Variants in DGKD observed in about 807,000 individuals in gnomAD.
DGKD encodes diacylglycerol kinase delta, also known as DAG kinase delta.
Under a neutral mutation model 154.4 loss-of-function variants are expected in DGKD, and 68 were observed. The observed-to-expected ratio is 0.44, with a 90% CI of 0.36 to 0.54. The LOEUF (loss-of-function observed/expected upper bound fraction) is 0.54. Ranked by LOEUF, DGKD falls within the 20% of genes least tolerant of loss-of-function variation. The pLI is 0.00. For synonymous variants in DGKD, 693 were observed against 638.0 expected (o/e 1.09, Z -1.30); for missense variants, 1,343 against 1,593.6 (o/e 0.84, Z 2.68).
In DGKD at chr2:233,438,745, GTCTATCTATCA is replaced by G. The variant is rs757129919; in HGVS notation, c.1085+377_1085+387del. Among the ~76,000 whole-genome samples, 1,336 of 89,426 alleles carry G rather than the reference GTCTATCTATCA, an allele frequency of 0.015. 19 individuals are homozygous for G. The highest frequency in any genetic ancestry group is 0.049 in the African/African-American group (873 of 17,862). The allele number at this position is 89,426 out of a possible 152,430, so 58.7% of individuals were successfully genotyped here. On this transcript the variant is annotated intron_variant, in intron 9 of 29. Transcript: ENST00000264057. The surrounding 1 kb of genome is among the most constrained non-coding windows in gnomAD (Gnocchi z 4.1). ...TCATTTTATAATTTTTTATTTATCT[GTCTATCTATCA>G]TCTATCTATCTATCTATCTATCTAT... is the stretch of plus-strand genomic sequence containing the variant.
chr2:233,458,368 A>G lies in DGKD; in HGVS notation c.2665A>G (p.Ile889Val), dbSNP rs567519340. The G allele has an allele frequency of 4.3e-6, 7 of 1,611,228 alleles. No individual in the cohort carries two copies. In the South Asian group the frequency reaches 7.7e-5, roughly 18 times the overall value. Residue 889 changes from isoleucine (I) to valine (V), a missense_variant, in exon 22 of 30, where the codon ATC (isoleucine) becomes GTC (valine). Ile to Val is a conservative substitution (Grantham distance 29). Around this residue, in one of 6 missense-constraint regions of DGKD, gnomAD observed 429 missense variants for 496.3 expected, o/e 0.86. Coordinates refer to ENST00000264057, the MANE Select transcript of DGKD (RefSeq NM_152879.3). The surrounding 1 kb of genome is among the most constrained non-coding windows in gnomAD (Gnocchi z 6.6). ...CATGCAGATGGCCGTCTCTCGAGTC[A>G]TCAGGCTACAGCATCATCGGATCGC... Reference protein sequence around the residue: ...GSMQMAVSRVIRLQHHRIAQC... With the variant: ...GSMQMAVSRVVRLQHHRIAQC...
intron 12 of DGKD, chr2:233,447,758 G>C (rs868689974): frequency 6.3e-5 from 70 of 1,112,488 alleles, no homozygotes; most frequent in East Asian, 7.4e-5. Flanking sequence ...ACCTGGAGCC[G>C]ACCCGCCAGC....
At chr2:233,437,503 T>C in intron 8 of DGKD, 24 bp downstream of exon 8, 1 of 1,604,220 alleles carries the variant, frequency 6.2e-7, no homozygotes, top group Non-Finnish European at 8.5e-7. Context: ...ATGCTTATCC[T>C]TCTCATGCAC....
intron 3 of DGKD, among the ~76,000 whole-genome samples, chr2:233,419,787 G>A (rs1327345147): frequency 6.6e-6 from 1 of 152,186 alleles, no homozygotes; most frequent in South Asian, 2.1e-4. Flanking sequence ...TTGGGTGTGG[G>A]TGGATTTTCA....
At chr2:233,375,684 C>A (rs1365096250) in intron 1 of DGKD, among the ~76,000 whole-genome samples, 1 of 152,034 alleles carries the variant, frequency 6.6e-6, no homozygotes, top group African/African-American at 2.4e-5. Context: ...TCACTGACTT[C>A]CAAGTTTCCA....
intron 27 of DGKD, among the ~76,000 whole-genome samples, chr2:233,465,554 C>G (rs1016107307): frequency 6.6e-6 from 1 of 152,026 alleles, no homozygotes; most frequent in Non-Finnish European, 1.5e-5. Flanking sequence ...GAGTTCAAGA[C>G]CAGGCTCGGC....
chr2:233,442,806 A>G (rs759727985), intron 10 of DGKD, among the ~76,000 whole-genome samples: 2 of 152,128 alleles, frequency 1.3e-5, no homozygotes, highest in Non-Finnish European at 2.9e-5. Context: ...GGGTTTCTCC[A>G]TGTTGGCCAG....
intron 5 of DGKD, among the ~76,000 whole-genome samples, chr2:233,435,237 A>G (rs571672590): frequency 6.6e-6 from 1 of 152,206 alleles, no homozygotes; most frequent in South Asian, 2.1e-4. Context: ...GGCTGTGCAT[A>G]TATGGACTGA....
At chr2:233,377,235 A>G (rs1483136266) in intron 1 of DGKD, among the ~76,000 whole-genome samples, 1 of 151,986 alleles carries the variant, frequency 6.6e-6, no homozygotes, top group Non-Finnish European at 1.5e-5. Context: ...GGTGTGTGCC[A>G]CCACTCCCAG....
At chr2:233,455,511 A>G (rs940418818) in intron 19 of DGKD, among the ~76,000 whole-genome samples, 15 of 152,198 alleles carry the variant, frequency 9.9e-5, no homozygotes, top group African/African-American at 3.6e-4. Flanking sequence ...TGAGGGAGAA[A>G]TGTCTCCCTC....
At chr2:233,398,730 T>C (rs1326790055) in intron 3 of DGKD, among the ~76,000 whole-genome samples, 2 of 152,216 alleles carry the variant, frequency 1.3e-5, no homozygotes, top group Non-Finnish European at 2.9e-5. Context: ...GTTCAAGTGA[T>C]TCTTGTGCCT....
At chr2:233,448,906 TC>T (rs1318925085) in intron 14 of DGKD, among the ~76,000 whole-genome samples, 196 bp from the exon 15 acceptor site, 2 of 152,234 alleles carry the variant, frequency 1.3e-5, no homozygotes, top group Admixed American at 6.5e-5. Context: ...TTCCCCAATT[TC>T]CCACCTGCCA....
chr2:233,432,464 C>G lies in DGKD; in HGVS notation c.349-1916C>G, dbSNP rs547721995. ...CATGAGGTCAGGAGATCGTGACCAT[C>G]CTGGCTAACACAGTGAAACCTCGTC... On this transcript the variant is annotated intron_variant, in intron 3 of 29. Coordinates refer to ENST00000264057, the MANE Select transcript of DGKD (RefSeq NM_152879.3). Among the ~76,000 whole-genome samples the G allele has an allele frequency of 2.0e-5, 3 of 151,250 alleles. No individual in the cohort carries two copies. In the South Asian group the frequency reaches 6.3e-4, roughly 32 times the overall value.
intron 3 of DGKD, among the ~76,000 whole-genome samples, chr2:233,391,790 T>C (rs1400618600): frequency 1.3e-5 from 2 of 152,244 alleles, no homozygotes; most frequent in African/African-American, 4.8e-5. Context: ...ATTGTTGATG[T>C]TGCCAATACA....
At chr2:233,423,335 C>A (rs1358380569) in intron 3 of DGKD, among the ~76,000 whole-genome samples, 2 of 152,050 alleles carry the variant, frequency 1.3e-5, no homozygotes, top group Non-Finnish European at 2.9e-5. Context: ...ACTGCCAAAC[C>A]GTTTTGCAGA....
intron 12 of DGKD, chr2:233,447,845 G>T (rs1014109260): frequency 1.6e-5 from 21 of 1,342,568 alleles, no homozygotes; most frequent in Non-Finnish European, 2.0e-5. Flanking sequence ...GACTGAAGGA[G>T]ATTCATTTGC....
At chr2:233,375,210 G>C (rs1702509253) in intron 1 of DGKD, among the ~76,000 whole-genome samples, 1 of 152,148 alleles carries the variant, frequency 6.6e-6, no homozygotes, top group Admixed American at 6.5e-5. Flanking sequence ...AGAATCGTTT[G>C]AACCTGGGAG....
At position 233,354,740 on chromosome 2, in the gene DGKD, G is replaced by T. The variant is rs1701457777; in HGVS notation, c.156+66G>T. 1 of 939,296 alleles carries T rather than the reference G, an allele frequency of 1.1e-6. No homozygotes were observed. The highest frequency in any genetic ancestry group is 4.7e-5 in the South Asian group (1 of 21,090). 58.2% of individuals were successfully genotyped at this position (939,296 alleles called of 1,614,324 possible). On this transcript the variant is annotated intron_variant, in intron 1 of 29. Transcript: ENST00000264057. This position sits in a 1 kb window ranked among gnomAD's most constrained non-coding sequence, Gnocchi z 4.8. The stretch of plus-strand genomic sequence containing the variant: ...GCCGCGGCAGCCCCGGCCGAGGCCC[G>T]TGGCCCTGCCCGAGCGGCCGCCCAG...
intron 27 of DGKD, among the ~76,000 whole-genome samples, chr2:233,464,751 G>C (rs115037763): frequency 2.0e-5 from 3 of 152,244 alleles, no homozygotes; most frequent in African/African-American, 4.8e-5. Context: ...ACCCGAGGAC[G>C]CAGGGCATAG....
Sources: allele counts gnomAD v4.1 joint callset (sites outside exome capture counted in the v4.1 genomes callset), GRCh38; gene constraint gnomAD v4.1.1; regional missense constraint gnomAD v4.1.1; non-coding constraint Gnocchi (gnomAD v3.1); transcripts MANE v1.5; gene names NCBI Gene and HGNC (gene_info 2026-07-23, HGNC 2026-07-21).